RNF152: variants seen among roughly 807,000 people sequenced by gnomAD.
RNF152 encodes the protein E3 ubiquitin-protein ligase RNF152.
RNF152 carries 11 observed loss-of-function variants against 12.7 expected under a neutral mutation model. The observed-to-expected ratio is 0.86, with a 90% CI of 0.54 to 1.43. The LOEUF is 1.43. Among genes scored for constraint, RNF152 ranks in the 40% most tolerant of loss-of-function variants. RNF152 has a pLI of 0.00. For synonymous variants in RNF152, 113 were observed against 120.3 expected, an observed-to-expected ratio of 0.94 and a Z score of 0.40; for missense variants, 255 against 274.8, an observed-to-expected ratio of 0.93 and a Z score of 0.51.
At chr18:61,857,694 T>TAAAC (rs111801758) in intron 1 of RNF152, among the ~76,000 whole-genome samples, 81 of 151,964 alleles carry the variant, frequency 5.3e-4, no homozygotes, top group South Asian at 3.5e-3. Context: ...CACCAGTCAT[T>TAAAC]AAACAAACAA....
intron 1 of RNF152, among the ~76,000 whole-genome samples, chr18:61,839,769 C>A (rs1036300533): frequency 1.3e-5 from 2 of 152,134 alleles, no homozygotes; most frequent in Non-Finnish European, 2.9e-5. Flanking sequence ...GTGGTGGGTG[C>A]CTGTAGTCCC....
At chr18:61,840,921 T>C (rs910505599) in intron 1 of RNF152, among the ~76,000 whole-genome samples, 1 of 152,124 alleles carries the variant, frequency 6.6e-6, no homozygotes, top group Admixed American at 6.5e-5. Flanking sequence ...AAAAGCACCA[T>C]TGTTATTCTT....
chr18:61,816,174 T>A lies in RNF152; in HGVS notation c.290A>T (p.Asn97Ile), dbSNP rs1007774538. 10 of 1,614,054 alleles carry A rather than the reference T, an allele frequency of 6.2e-6. No individual in the cohort carries two copies. In the African/African-American group the frequency reaches 1.2e-4, roughly 19 times the overall value. The change falls in exon 2 of 2, where the codon AAT (asparagine) becomes ATT (isoleucine). Residue 97 changes from asparagine to isoleucine, a missense_variant. Transcript: ENST00000312828. Reference protein sequence around the residue: ...HTPVFIKLPSNGCYMLPLPIS... With the variant: ...HTPVFIKLPSIGCYMLPLPIS... The stretch of plus-strand genomic sequence containing the variant: ...GGGCAGGGGCAGCATGTAGCACCCA[T>A]TGCTGGGAAGTTTGATGAAGACCGG...
At chr18:61,851,373 T>C (rs1910966685) in intron 1 of RNF152, among the ~76,000 whole-genome samples, 1 of 152,152 alleles carries the variant, frequency 6.6e-6, no homozygotes, top group Admixed American at 6.5e-5. Flanking sequence ...AAGTGCTTAT[T>C]GAAGAGGGGA....
At chr18:61,891,374 C>T (rs1042841865) in intron 1 of RNF152, among the ~76,000 whole-genome samples, 1 of 152,132 alleles carries the variant, frequency 6.6e-6, no homozygotes, top group African/African-American at 2.4e-5. Context: ...CGTGCATTTA[C>T]ATGGGCAGGC....
chr18:61,857,678 G>C (rs1911284968), intron 1 of RNF152, among the ~76,000 whole-genome samples: 1 of 151,856 alleles, frequency 6.6e-6, no homozygotes. Context: ...ATATCCTCCA[G>C]GGACTCACCA....
At chr18:61,861,918 C>T (rs969587900) in intron 1 of RNF152, among the ~76,000 whole-genome samples, 4 of 152,126 alleles carry the variant, frequency 2.6e-5, no homozygotes, top group South Asian at 2.1e-4. Flanking sequence ...TATTAGGCCC[C>T]GACCTCCAAC....
intron 1 of RNF152, among the ~76,000 whole-genome samples, chr18:61,859,910 C>A (rs2144713438): frequency 7.0e-6 from 1 of 143,254 alleles, no homozygotes; most frequent in East Asian, 1.9e-4. Flanking sequence ...GAAAAGAAAT[C>A]CTGACCCCTA....
chr18:61,855,361 G>T (rs868024803), intron 1 of RNF152, among the ~76,000 whole-genome samples: 1 of 152,246 alleles, frequency 6.6e-6, no homozygotes, highest in Admixed American at 6.5e-5. Context: ...GAAGCGGCCT[G>T]TTTGGAGCAG....
At chr18:61,840,680 G>A (rs962181042) in intron 1 of RNF152, among the ~76,000 whole-genome samples, 1 of 152,062 alleles carries the variant, frequency 6.6e-6, no homozygotes, top group Non-Finnish European at 1.5e-5. Flanking sequence ...TAGAATGGGG[G>A]CCTAGCACCC....
At chr18:61,873,528 T>C (rs1912087166) in intron 1 of RNF152, among the ~76,000 whole-genome samples, 1 of 152,034 alleles carries the variant, frequency 6.6e-6, no homozygotes, top group Admixed American at 6.6e-5. Flanking sequence ...AGAGATAGGG[T>C]TTCACCATGT....
At chr18:61,867,504 A>G (rs947803932) in intron 1 of RNF152, among the ~76,000 whole-genome samples, 3 of 151,326 alleles carry the variant, frequency 2.0e-5, no homozygotes, top group Admixed American at 6.6e-5. Flanking sequence ...TGGTTTTTAT[A>G]GTTGTTTCCT....
At chr18:61,885,957 T>G (rs919367490) in intron 1 of RNF152, among the ~76,000 whole-genome samples, 1 of 147,628 alleles carries the variant, frequency 6.8e-6, no homozygotes, top group Admixed American at 6.9e-5. Context: ...CAAGTAGAGG[T>G]TTTTTTTCTT....
At chr18:61,844,513 G>C (rs1910661634) in intron 1 of RNF152, among the ~76,000 whole-genome samples, 1 of 152,218 alleles carries the variant, frequency 6.6e-6, no homozygotes, top group East Asian at 1.9e-4. Context: ...CACTGGCTCT[G>C]GTGGGTTTTA....
chr18:61,824,391 G>T (rs144777307), intron 1 of RNF152, among the ~76,000 whole-genome samples: 1 of 152,336 alleles, frequency 6.6e-6, no homozygotes, highest in African/African-American at 2.4e-5. Context: ...GTTTCCAACC[G>T]CATGGCAGTA....
intron 1 of RNF152, among the ~76,000 whole-genome samples, chr18:61,819,412 T>C (rs1485856188): frequency 2.0e-5 from 3 of 152,214 alleles, no homozygotes; most frequent in African/African-American, 7.2e-5. Context: ...GAACAATTCA[T>C]TCAAGGGTAG....
chr18:61,820,261 G>A (rs1202560397), intron 1 of RNF152, among the ~76,000 whole-genome samples: 13 of 145,892 alleles, frequency 8.9e-5, no homozygotes, highest in East Asian at 4.0e-4. Context: ...CCCAGGGGGC[G>A]GAGCTTGCAA....
At chr18:61,869,202 C>G (rs1911876714) in intron 1 of RNF152, among the ~76,000 whole-genome samples, 2 of 152,120 alleles carry the variant, frequency 1.3e-5, no homozygotes, top group Admixed American at 1.3e-4. Flanking sequence ...TAGTAAAATC[C>G]AAAGAAATAG....
At chr18:61,880,918 T>C (rs1203980810) in intron 1 of RNF152, among the ~76,000 whole-genome samples, 3 of 150,764 alleles carry the variant, frequency 2.0e-5, no homozygotes, top group Non-Finnish European at 4.4e-5. Context: ...GTTTTCTTTT[T>C]TTTTTTTTTT....
Sources: gnomAD v4.1 joint callset for allele counts (sites outside exome capture counted in the v4.1 genomes callset) on GRCh38, gnomAD v4.1.1 for gene constraint, MANE v1.5 for transcripts, NCBI Gene and HGNC (gene_info 2026-07-23, HGNC 2026-07-21) for gene names.